Variants in HCRTR2 observed in about 807,000 individuals in gnomAD.
HCRTR2 encodes the protein hypocretin receptor 2.
HCRTR2 carries 22 observed loss-of-function variants against 49.0 expected under a neutral mutation model. That is an observed-to-expected ratio of 0.45 (90% CI 0.32 to 0.64). The LOEUF is 0.64. Among genes scored for constraint, HCRTR2 ranks in the 30% least tolerant of loss-of-function variants. The pLI is 0.04. For missense variants in HCRTR2, 491 were observed against 559.4 expected, an observed-to-expected ratio of 0.88 and a Z score of 1.23; for synonymous variants, 236 against 205.3, an observed-to-expected ratio of 1.15 and a Z score of -1.28.
At chr6:55,119,973 T>A (rs1163835601) in intron 1 of HCRTR2, among the ~76,000 whole-genome samples, 2 of 152,168 alleles carry the variant, frequency 1.3e-5, no homozygotes, top group African/African-American at 4.8e-5. Context: ...GGGTCCAGTT[T>A]CAATTTTCTG....
At chr6:55,200,751 CAA>C (rs966151336) in intron 1 of HCRTR2, among the ~76,000 whole-genome samples, 2 of 152,092 alleles carry the variant, frequency 1.3e-5, no homozygotes, top group Non-Finnish European at 2.9e-5. Flanking sequence ...ATTACAGAAT[CAA>C]TATATTTTCT....
intron 1 of HCRTR2, among the ~76,000 whole-genome samples, chr6:55,175,573 G>GTTGTT (rs1228217311): frequency 6.6e-5 from 10 of 151,822 alleles, no homozygotes; most frequent in Non-Finnish European, 1.2e-4. Flanking sequence ...ACTGTTTGTT[G>GTTGTT]TTGTTTTGTT....
chr6:55,281,976 A>G (rs1767199119), intron 6 of HCRTR2, among the ~76,000 whole-genome samples: 1 of 152,204 alleles, frequency 6.6e-6, no homozygotes, highest in Non-Finnish European at 1.5e-5. Flanking sequence ...TTGACTATAA[A>G]GGAATGAAGC....
At chr6:55,235,160 T>A (rs901526558) in intron 1 of HCRTR2, among the ~76,000 whole-genome samples, 1 of 152,092 alleles carries the variant, frequency 6.6e-6, no homozygotes. Context: ...TATACGGATT[T>A]CCTTTTGTTG....
intron 1 of HCRTR2, among the ~76,000 whole-genome samples, chr6:55,197,369 C>T (rs905486870): frequency 6.6e-6 from 1 of 152,224 alleles, no homozygotes; most frequent in South Asian, 2.1e-4. Flanking sequence ...TACTTCCCAC[C>T]CTGACTCTGA....
rs372000419 is a variant in HCRTR2 at position 55,139,967 on chromosome 6, C to T, written c.-378+33422C>T. Among the ~76,000 whole-genome samples the T allele has an allele frequency of 8.0e-4, 122 of 152,204 alleles. 3 individuals carry two copies. In the South Asian group the frequency reaches 0.02, roughly 25 times the overall value. On this transcript the variant is annotated intron_variant, in intron 1 of 7. Transcript: ENST00000615358. ...CTGTTGGGGTAGCTTTTAAAAATGT[C>T]TCTGTGAAATGTCAGAGTTGTCATT...
At chr6:55,159,446 C>T (rs1764775558) in intron 1 of HCRTR2, among the ~76,000 whole-genome samples, 1 of 152,124 alleles carries the variant, frequency 6.6e-6, no homozygotes, top group South Asian at 2.1e-4. Context: ...CAAAGGATCA[C>T]AATTCCTCAC....
At chr6:55,161,412 C>T (rs1276593917) in intron 1 of HCRTR2, among the ~76,000 whole-genome samples, 1 of 151,794 alleles carries the variant, frequency 6.6e-6, no homozygotes, top group Non-Finnish European at 1.5e-5. Flanking sequence ...CCTAACATCA[C>T]AATGAAAAGA....
chr6:55,127,022 C>T (rs970444011), intron 1 of HCRTR2, among the ~76,000 whole-genome samples: 6 of 152,088 alleles, frequency 3.9e-5, no homozygotes, highest in African/African-American at 1.2e-4. Flanking sequence ...GAGTGGGACC[C>T]ACCGAGCTGA....
rs1254600880 is a variant in HCRTR2 at position 55,273,176 on chromosome 6, C to G, written c.763-4204C>G. On this transcript the variant is annotated intron_variant, in intron 4 of 6. Transcript: ENST00000370862. Reference sequence around the variant, plus strand: ...AACTCCCTCAGTGTTGGAATACAGTCATCTTCATATGGTGGTGGGTGTAAG... The same window carrying G: ...AACTCCCTCAGTGTTGGAATACAGTGATCTTCATATGGTGGTGGGTGTAAG... 2.0e-5 allele frequency among the ~76,000 whole-genome samples: 3 copies of G among 151,474 alleles called. No individual in the cohort carries two copies. In the East Asian group the frequency reaches 5.8e-4, roughly 29 times the overall value.
At chr6:55,227,094 T>C (rs1766023455) in intron 1 of HCRTR2, among the ~76,000 whole-genome samples, 1 of 152,172 alleles carries the variant, frequency 6.6e-6, no homozygotes, top group Non-Finnish European at 1.5e-5. Context: ...ACTATTCTGT[T>C]ACTTGGATTC....
intron 1 of HCRTR2, among the ~76,000 whole-genome samples, chr6:55,138,304 C>T (rs1263963261): frequency 6.6e-6 from 1 of 152,106 alleles, no homozygotes; most frequent in African/African-American, 2.4e-5. Flanking sequence ...ATATAGTCTT[C>T]ATGTTTGCCT....
chr6:55,159,829 G>A (rs912955209), intron 1 of HCRTR2, among the ~76,000 whole-genome samples: 2 of 152,304 alleles, frequency 1.3e-5, no homozygotes, highest in African/African-American at 4.8e-5. Context: ...CAAGAAATAT[G>A]GGAATATGTG....
At chr6:55,228,990 G>C (rs1434936783) in intron 1 of HCRTR2, among the ~76,000 whole-genome samples, 1 of 151,988 alleles carries the variant, frequency 6.6e-6, no homozygotes, top group Admixed American at 6.6e-5. Flanking sequence ...TCACTTCCTT[G>C]GTTACTGTGC....
chr6:55,207,167 T>G (rs556219271), intron 1 of HCRTR2, among the ~76,000 whole-genome samples: 3 of 152,264 alleles, frequency 2.0e-5, no homozygotes, highest in African/African-American at 7.2e-5. Context: ...GTAGCAAAGT[T>G]GGAAATAAAT....
At chr6:55,190,794 A>G (rs2127278202) in intron 1 of HCRTR2, among the ~76,000 whole-genome samples, 1 of 152,296 alleles carries the variant, frequency 6.6e-6, no homozygotes, top group South Asian at 2.1e-4. Flanking sequence ...TGCATGGTAA[A>G]AATTCTGATT....
intron 1 of HCRTR2, 96 bp downstream of exon 1, chr6:55,174,906 G>A: frequency 1.1e-6 from 1 of 906,604 alleles, no homozygotes. Context: ...CCCCCGGGAA[G>A]CAAACAAAGA....
intron 1 of HCRTR2, chr6:55,240,731 A>G: frequency 2.6e-6 from 1 of 378,228 alleles, no homozygotes; most frequent in Non-Finnish European, 5.3e-6. Flanking sequence ...ACTCCTGGTC[A>G]GCTTCCCAGG....
chr6:55,168,552 T>C (rs1764907758), intron 1 of HCRTR2, among the ~76,000 whole-genome samples: 1 of 152,258 alleles, frequency 6.6e-6, no homozygotes, highest in East Asian at 1.9e-4. Flanking sequence ...AGTTTCTTCA[T>C]TTGTAAAATT....
Sources: allele counts gnomAD v4.1 joint callset (sites outside exome capture counted in the v4.1 genomes callset), GRCh38; gene constraint gnomAD v4.1.1; transcripts MANE v1.5; gene names NCBI Gene and HGNC (gene_info 2026-07-23, HGNC 2026-07-21).